Variants in ALKBH7 observed in about 807,000 individuals in gnomAD.
ALKBH7 encodes RNA demethylase ALKBH7, mitochondrial.
ALKBH7 carries 21 observed loss-of-function variants against 19.3 expected under a neutral mutation model. That is an observed-to-expected ratio of 1.09 (90% CI 0.77 to 1.56). The LOEUF is 1.56. Ranked by LOEUF, ALKBH7 falls within the 40% of genes most tolerant of loss-of-function variation. The pLI, the probability that ALKBH7 is intolerant of heterozygous loss-of-function variation, is 0.00. For synonymous variants in ALKBH7, 147 were observed against 139.5 expected, an observed-to-expected ratio of 1.05 and a Z score of -0.38; for missense variants, 354 against 311.4, an observed-to-expected ratio of 1.14 and a Z score of -1.03.
intron 3 of ALKBH7, 79 bp downstream of exon 3, chr19:6,374,668 T>C: frequency 1.2e-6 from 2 of 1,606,906 alleles, no homozygotes; most frequent in East Asian, 2.2e-5. Context: ...TTTCCCTCAA[T>C]CCAGCCCTCC....
In ALKBH7 at chr19:6,374,692, TA is replaced by T; in HGVS notation, c.503+104del. 3 of 1,603,592 alleles carry T rather than the reference TA, an allele frequency of 1.9e-6. No homozygotes were observed. The South Asian group carries it at 3.3e-5, about 18-fold the overall frequency. On this transcript the variant is annotated intron_variant, in intron 3 of 3. Transcript: ENST00000245812. ...ATCCAGCCCTCCCCGAAGACGCCTT[TA>T]CCCCAGGGTCTGTGTGGGAGGCAGC...
At chr19:6,374,758 T>C (rs2091912654) in intron 3 of ALKBH7, 53 bp from the exon 4 acceptor site, 1 of 1,597,820 alleles carries the variant, frequency 6.3e-7, no homozygotes. Context: ...CAGGTCTGCC[T>C]GGAGCAGGGG....
Position 6,372,856 on chromosome 19 carries a change from G to A in ALKBH7, c.36G>A (p.Leu12=). 6.5e-7 allele frequency: 1 copy of A among 1,549,594 alleles called. No individual in the cohort carries two copies. The highest frequency in any genetic ancestry group is 2.4e-5 in the East Asian group (1 of 41,576). The change falls in exon 1 of 4, where the codon CTG becomes CTA. Residue 12 remains leucine, a synonymous_variant. Coordinates refer to ENST00000245812, the MANE Select transcript of ALKBH7 (RefSeq NM_032306.4). The part of the protein sequence containing the change: ...AGTGLLALRT[L]PGPSWVRGSG... ...CTGGGCTGCTGGCGCTGCGGACGCT[G>A]CCAGGGCCCAGCTGGGTGCGAGGCT...
At chr19:6,373,058 G>T (rs1254417840) in intron 1 of ALKBH7, 34 bp downstream of exon 1, 2 of 1,535,822 alleles carry the variant, frequency 1.3e-6, no homozygotes, top group Admixed American at 2.0e-5. Flanking sequence ...GAGGGACGGG[G>T]GCTCGTCGGG....
chr19:6,373,797 T>G (rs2091905654), intron 1 of ALKBH7: 1 of 1,270,316 alleles, frequency 7.9e-7, no homozygotes, highest in African/African-American at 1.6e-5. Flanking sequence ...GGGCTGAAAC[T>G]CTGGCTGTGG....
Position 6,374,271 on chromosome 19 carries a change from C to A in ALKBH7, c.273C>A (p.Arg91=), listed in dbSNP as rs752275506. 73 of 1,613,320 alleles carry A rather than the reference C, an allele frequency of 4.5e-5. No homozygotes were observed. The East Asian group carries it at 1.5e-3, about 33-fold the overall frequency. ...AAGCCAGCCGGGCCATCCTGCAGCG[C>A]GTGCAGGCGGCCGCCTTTGGCCCCG... is the stretch of plus-strand genomic sequence containing the variant. ...WSEASRAILQ[R]VQAAAFGPGQ... Residue 91 remains arginine (R), a synonymous_variant, in exon 2 of 4, where the codon CGC becomes CGA. Coordinates refer to ENST00000245812, the MANE Select transcript of ALKBH7 (RefSeq NM_032306.4).
rs2091896589 is a variant in ALKBH7 at position 6,372,806 on chromosome 19, C to G, written c.-15C>G. ...TCCCCAACCCTGCCCTCTCTCATGACCCCGCTCCGGGATTATGGCCGGGAC... is the reference window on the plus strand; with the variant it reads ...TCCCCAACCCTGCCCTCTCTCATGAGCCCGCTCCGGGATTATGGCCGGGAC... On this transcript the variant is annotated 5_prime_UTR_variant, in exon 1 of 4. Coordinates refer to ENST00000245812, the MANE Select transcript of ALKBH7 (RefSeq NM_032306.4). 4 of 1,538,774 alleles carry G rather than the reference C, an allele frequency of 2.6e-6. No individual in the cohort carries two copies. The highest frequency in any genetic ancestry group is 3.5e-6 in the Non-Finnish European group (4 of 1,147,204).
chr19:6,374,985 C>T lies in ALKBH7; in HGVS notation c.*12C>T. On this transcript the variant is annotated 3_prime_UTR_variant, in exon 4 of 4. Coordinates refer to ENST00000245812, the MANE Select transcript of ALKBH7 (RefSeq NM_032306.4). ...CCCCAGCCTGCTGACCCCCAGCTTT[C>T]TACAGACACCAGATTTGTGAATAAA... 1 of 1,579,316 alleles carries T rather than the reference C, an allele frequency of 6.3e-7. No individual in the cohort carries two copies. Among genetic ancestry groups the T allele is most frequent in the Non-Finnish European group, 8.6e-7 (1 of 1,160,608 alleles).
rs1413871451 is a variant in ALKBH7 at position 6,372,855 on chromosome 19, T to C, written c.35T>C (p.Leu12Pro). 2 of 1,549,572 alleles carry C rather than the reference T, an allele frequency of 1.3e-6. No homozygotes were observed. The highest frequency in any genetic ancestry group is 1.7e-6 in the Non-Finnish European group (2 of 1,151,166). Residue 12 changes from leucine to proline, a missense_variant, in exon 1 of 4, where the codon CTG (leucine) becomes CCG (proline). Leu to Pro is a moderately conservative substitution (Grantham distance 98, BLOSUM62 -3). Coordinates refer to ENST00000245812, the MANE Select transcript of ALKBH7 (RefSeq NM_032306.4). ...ACTGGGCTGCTGGCGCTGCGGACGC[T>C]GCCAGGGCCCAGCTGGGTGCGAGGC... ...AGTGLLALRT[L>P]PGPSWVRGSG...
chr19:6,373,071 C>T (rs1219161824), intron 1 of ALKBH7, 47 bp downstream of exon 1: 14 of 1,523,150 alleles, frequency 9.2e-6, no homozygotes, highest in South Asian at 1.2e-5. Context: ...TCGTCGGGGG[C>T]GCGGCCTGGG....
Position 6,374,825 on chromosome 19 carries a change from A to G in ALKBH7, c.518A>G (p.Tyr173Cys), listed in dbSNP as rs760902515. Reference sequence around the variant, plus strand: ...TCTTCCTGCAGGGGCTCAGCCCGTTATGACTTCTCCCATGAGATCCTTCGG... The same window carrying G: ...TCTTCCTGCAGGGGCTCAGCCCGTTGTGACTTCTCCCATGAGATCCTTCGG... ...SLYILRGSAR[Y>C]DFSHEILRDE... Residue 173 changes from tyrosine (Y) to cysteine (C), a missense_variant, in exon 4 of 4, where the codon TAT becomes TGT. Tyr to Cys is a radical substitution (Grantham distance 194). Transcript: ENST00000245812. The G allele has an allele frequency of 1.9e-6, 3 of 1,613,058 alleles. No homozygotes were observed. The highest frequency in any genetic ancestry group is 1.3e-5 in the African/African-American group (1 of 75,028).
Position 6,374,569 on chromosome 19 carries a change from G to T in ALKBH7, c.483G>T (p.Pro161=). ...PGEWLELLLE[P]GSLYILRGSA... ...AGTGGCTGGAACTCTTGCTGGAGCCGGGCTCCCTCTACATCCTTAGGTACC... is the reference window on the plus strand; with the variant it reads ...AGTGGCTGGAACTCTTGCTGGAGCCTGGCTCCCTCTACATCCTTAGGTACC... Residue 161 remains proline, a synonymous_variant, in exon 3 of 4, where the codon CCG becomes CCT. Coordinates refer to ENST00000245812, the MANE Select transcript of ALKBH7 (RefSeq NM_032306.4). The T allele has an allele frequency of 6.2e-7, 1 of 1,613,416 alleles. No homozygotes were observed. The highest frequency in any genetic ancestry group is 8.5e-7 in the Non-Finnish European group (1 of 1,179,962).
At chr19:6,373,568 G>T (rs1599201731) in intron 1 of ALKBH7, 32 of 1,079,480 alleles carry the variant, frequency 3.0e-5, no homozygotes, top group Admixed American at 8.4e-5. Flanking sequence ...GTCGTCGAGC[G>T]CATGGATGGG....
intron 1 of ALKBH7, 134 bp from the exon 2 acceptor site, chr19:6,374,069 T>C (rs1415234313): frequency 1.3e-6 from 2 of 1,523,894 alleles, no homozygotes; most frequent in Admixed American, 2.3e-5. Context: ...GTTGAGGGGC[T>C]AGGGGAGTTT....
Position 6,374,846 on chromosome 19 carries a change from T to G in ALKBH7, c.539T>G (p.Leu180Arg), listed in dbSNP as rs905694158. 6.2e-7 allele frequency: 1 copy of G among 1,613,902 alleles called. No homozygotes were observed. The highest frequency in any genetic ancestry group is 1.3e-5 in the African/African-American group (1 of 74,952). Residue 180 changes from leucine (L) to arginine (R), a missense_variant, in exon 4 of 4, where the codon CTT (leucine) becomes CGT (arginine). Coordinates refer to ENST00000245812, the MANE Select transcript of ALKBH7 (RefSeq NM_032306.4). ...SARYDFSHEILRDEESFFGER... is the reference protein window; with the variant it reads ...SARYDFSHEIRRDEESFFGER... The stretch of plus-strand genomic sequence containing the variant: ...CGTTATGACTTCTCCCATGAGATCC[T>G]TCGGGATGAAGAGTCCTTCTTTGGG...
Position 6,374,185 on chromosome 19 carries a change from AC to A in ALKBH7, c.205-16del. Reference sequence around the variant, plus strand: ...TTCCCTCTGGGAGCTCCCAGGCTTAACCGAGCTCTCTGTGCAGGCCATCCAC... The same window carrying A: ...TTCCCTCTGGGAGCTCCCAGGCTTAACGAGCTCTCTGTGCAGGCCATCCAC... On this transcript the variant is annotated splice_polypyrimidine_tract_variant and intron_variant, in intron 1 of 3. Transcript: ENST00000245812. The A allele has an allele frequency of 6.2e-7, 1 of 1,607,328 alleles. No individual in the cohort carries two copies. Among genetic ancestry groups the A allele is most frequent in the African/African-American group, 1.3e-5 (1 of 74,510 alleles).
chr19:6,374,243 C>T lies in ALKBH7; in HGVS notation c.245C>T (p.Ser82Leu), dbSNP rs1312885443. The stretch of plus-strand genomic sequence containing the variant: ...CGAGAGACAGAGAAGTCGCGCTGGT[C>T]AGAAGCCAGCCGGGCCATCCTGCAG... ...GFRETEKSRW[S>L]EASRAILQRV... Residue 82 changes from serine to leucine, a missense_variant, in exon 2 of 4, where the codon TCA becomes TTA. Coordinates refer to ENST00000245812, the MANE Select transcript of ALKBH7 (RefSeq NM_032306.4). 6.2e-7 allele frequency: 1 copy of T among 1,613,316 alleles called. No homozygotes were observed. The highest frequency in any genetic ancestry group is 1.1e-5 in the South Asian group (1 of 91,062).
intron 1 of ALKBH7, 118 bp from the exon 2 acceptor site, chr19:6,374,085 G>A: frequency 6.5e-7 from 1 of 1,548,318 alleles, no homozygotes; most frequent in African/African-American, 1.4e-5. Context: ...AGTTTGAGTT[G>A]AGGGCAGGGT....
intron 1 of ALKBH7, chr19:6,373,757 G>A: frequency 1.6e-6 from 2 of 1,268,990 alleles, no homozygotes; most frequent in African/African-American, 1.6e-5. Flanking sequence ...GCTATTGCAG[G>A]GATTTGGGAG....
Sources: gnomAD v4.1 joint callset for allele counts on GRCh38, gnomAD v4.1.1 for gene constraint, MANE v1.5 for transcripts, NCBI Gene and HGNC (gene_info 2026-07-23, HGNC 2026-07-21) for gene names.